PRKCE: variants seen among roughly 807,000 people sequenced by gnomAD.
PRKCE encodes protein kinase C epsilon type.
PRKCE carries 16 observed loss-of-function variants against 85.4 expected under a neutral mutation model. That is an observed-to-expected ratio of 0.19 (90% CI 0.13 to 0.28). The LOEUF is 0.28. PRKCE is among the 10% of genes least tolerant of loss of function. The pLI, the probability that PRKCE is intolerant of heterozygous loss-of-function variation, is 1.00. For synonymous variants in PRKCE, 388 were observed against 371.5 expected, an observed-to-expected ratio of 1.04 and a Z score of -0.51; for missense variants, 573 against 975.2, an observed-to-expected ratio of 0.59 and a Z score of 5.49.
intron 2 of PRKCE, among the ~76,000 whole-genome samples, chr2:45,892,526 G>C (rs1240680897): frequency 6.6e-6 from 1 of 152,034 alleles, no homozygotes; most frequent in Non-Finnish European, 1.5e-5. Flanking sequence ...TGAGGGAGGA[G>C]GGGGACAAGT....
chr2:46,134,991 T>C (rs757387493), intron 11 of PRKCE, among the ~76,000 whole-genome samples: 37 of 152,242 alleles, frequency 2.4e-4, no homozygotes, highest in Non-Finnish European at 7.3e-5. Flanking sequence ...TAAGCAATTC[T>C]GTAGTGATTC....
At chr2:46,126,152 G>T (rs1673826964) in intron 11 of PRKCE, among the ~76,000 whole-genome samples, 1 of 152,176 alleles carries the variant, frequency 6.6e-6, no homozygotes, top group Non-Finnish European at 1.5e-5. Context: ...ACTCCAAAGT[G>T]CCTGTTGTCT....
chr2:45,661,366 A>G (rs1675632223), intron 1 of PRKCE, among the ~76,000 whole-genome samples: 1 of 151,852 alleles, frequency 6.6e-6, no homozygotes, highest in East Asian at 1.9e-4. Context: ...TATTTTTAGT[A>G]GAAACAGGGT....
At position 45,895,799 on chromosome 2, in the gene PRKCE, G is replaced by A. The variant is rs371392250; in HGVS notation, c.412+52736G>A. Among the ~76,000 whole-genome samples, 11 of 152,276 alleles carry A rather than the reference G, an allele frequency of 7.2e-5. 1 individual carries two copies. Among genetic ancestry groups the A allele is most frequent in the South Asian group, 4.1e-4 (2 of 4,820 alleles). Reference sequence around the variant, plus strand: ...TCAGCTCAGTGAGGCAGGAATCTACGCAGGTGCGCAGGTGTAGAGGAAGTG... The same window carrying A: ...TCAGCTCAGTGAGGCAGGAATCTACACAGGTGCGCAGGTGTAGAGGAAGTG... On this transcript the variant is annotated intron_variant, in intron 2 of 14. Transcript: ENST00000306156. The surrounding 1 kb of genome is among the most constrained non-coding windows in gnomAD (Gnocchi z 4.8).
intron 1 of PRKCE, among the ~76,000 whole-genome samples, chr2:45,767,819 C>T (rs1685030760): frequency 6.6e-6 from 1 of 152,192 alleles, no homozygotes; most frequent in East Asian, 1.9e-4. Flanking sequence ...AATTTGAAGA[C>T]TTCCACCACC....
At chr2:45,712,900 A>T (rs1679787611) in intron 1 of PRKCE, among the ~76,000 whole-genome samples, 1 of 152,026 alleles carries the variant, frequency 6.6e-6, no homozygotes, top group Admixed American at 6.6e-5. Context: ...CCATACTTCT[A>T]CCTCTTTGAG....
rs529136660 is a variant in PRKCE at position 46,106,615 on chromosome 2, A to T, written c.1592+20253A>T. On this transcript the variant is annotated intron_variant, in intron 11 of 14. Coordinates refer to ENST00000306156, the MANE Select transcript of PRKCE (RefSeq NM_005400.3). ...CAAGTTTCTCTCTTTGGCTTGCAGA[A>T]GGCTGCTTTCCTGCTACCTCTTTGC... Among the ~76,000 whole-genome samples, 20 of 152,358 alleles carry T rather than the reference A, an allele frequency of 1.3e-4. No homozygotes were observed. The South Asian group carries it at 4.1e-3, about 32-fold the overall frequency.
At chr2:46,088,257 C>T (rs1669833426) in intron 11 of PRKCE, among the ~76,000 whole-genome samples, 1 of 152,188 alleles carries the variant, frequency 6.6e-6, no homozygotes, top group African/African-American at 2.4e-5. Flanking sequence ...GTTTCGCACC[C>T]ACAAAGTTTC....
At chr2:45,819,917 ATTG>A (rs1689386463) in intron 1 of PRKCE, among the ~76,000 whole-genome samples, 2 of 152,222 alleles carry the variant, frequency 1.3e-5, no homozygotes, top group Non-Finnish European at 2.9e-5. Flanking sequence ...GGGCTGTGTC[ATTG>A]CACAGCCCAC....
intron 11 of PRKCE, among the ~76,000 whole-genome samples, chr2:46,119,855 C>T (rs1673146155): frequency 6.6e-6 from 1 of 152,214 alleles, no homozygotes. Context: ...ACTCCCGTTG[C>T]TAGAATTTAG....
rs923115442 is a variant in PRKCE at position 46,085,381 on chromosome 2, A to G, written c.1438-827A>G. Among the ~76,000 whole-genome samples, 6 of 152,334 alleles carry G rather than the reference A, an allele frequency of 3.9e-5. No homozygotes were observed. In the South Asian group the frequency reaches 1.2e-3, roughly 32 times the overall value. ...CTATTGGTCTCCTGGGACTGCCTCA[A>G]CAAATTACTGCAAACTTGGTGCCTT... On this transcript the variant is annotated intron_variant, in intron 10 of 14. Coordinates refer to ENST00000306156, the MANE Select transcript of PRKCE (RefSeq NM_005400.3).
At chr2:45,999,621 G>A (rs2104713930) in intron 6 of PRKCE, among the ~76,000 whole-genome samples, 1 of 152,090 alleles carries the variant, frequency 6.6e-6, no homozygotes, top group Middle Eastern at 3.4e-3. Context: ...CAAGCTTCCT[G>A]GAGCTGTGGT....
intron 11 of PRKCE, among the ~76,000 whole-genome samples, chr2:46,122,881 G>GTTTTT (rs1244942634): frequency 5.1e-5 from 6 of 117,186 alleles, no homozygotes; most frequent in Non-Finnish European, 8.5e-5. Flanking sequence ...AACAGTCTGG[G>GTTTTT]TTTTTTTTTT....
intron 7 of PRKCE, among the ~76,000 whole-genome samples, chr2:46,002,575 T>C (rs887766621): frequency 6.6e-6 from 1 of 152,234 alleles, no homozygotes; most frequent in Non-Finnish European, 1.5e-5. Context: ...TCCTACCCTG[T>C]TTTCTCAATA....
intron 1 of PRKCE, among the ~76,000 whole-genome samples, chr2:45,788,302 A>G: frequency 6.6e-6 from 1 of 152,206 alleles, no homozygotes; most frequent in Non-Finnish European, 1.5e-5. Context: ...GTTATAATGA[A>G]CATAATTTAA....
intron 2 of PRKCE, among the ~76,000 whole-genome samples, chr2:45,924,456 T>A (rs1425325333): frequency 6.6e-6 from 1 of 152,150 alleles, no homozygotes; most frequent in Non-Finnish European, 1.5e-5. Context: ...TTCTTCACTG[T>A]ATGTTTGTGT....
intron 1 of PRKCE, among the ~76,000 whole-genome samples, chr2:45,751,624 C>G (rs1683566776): frequency 6.6e-6 from 1 of 152,036 alleles, no homozygotes; most frequent in Admixed American, 6.6e-5. Flanking sequence ...GCTTTTAGCA[C>G]CAGGTTTTGC....
chr2:45,909,717 G>A (rs1697239461), intron 2 of PRKCE, among the ~76,000 whole-genome samples: 1 of 152,308 alleles, frequency 6.6e-6, no homozygotes, highest in South Asian at 2.1e-4. Context: ...GAGGCATTTA[G>A]AAAAGCCTTC....
chr2:46,081,941 C>G (rs1314995772), intron 10 of PRKCE, among the ~76,000 whole-genome samples: 1 of 151,992 alleles, frequency 6.6e-6, no homozygotes, highest in African/African-American at 2.4e-5. Flanking sequence ...ACTAAAAATA[C>G]AAAAAATAGC....
Sources: gnomAD v4.1 joint callset for allele counts (sites outside exome capture counted in the v4.1 genomes callset) on GRCh38, gnomAD v4.1.1 for gene constraint, Gnocchi (gnomAD v3.1) non-coding constraint, MANE v1.5 for transcripts, NCBI Gene and HGNC (gene_info 2026-07-23, HGNC 2026-07-21) for gene names.